FOXN2: variants seen among roughly 807,000 people sequenced by gnomAD.
The protein encoded by FOXN2 is forkhead box N2.
Under a neutral mutation model 41.2 loss-of-function variants are expected in FOXN2, and 19 were observed. The ratio of observed to expected loss-of-function variants is 0.46; its 90% CI spans 0.32 to 0.68. The LOEUF is 0.68. FOXN2 is among the 30% of genes least tolerant of loss of function. The pLI is 0.03. For missense variants in FOXN2, 587 were observed against 509.4 expected (o/e 1.15, Z -1.47); for synonymous variants, 195 against 176.8 (o/e 1.10, Z -0.82).
At chr2:48,358,824 A>C (rs7563625) in intron 3 of FOXN2, among the ~76,000 whole-genome samples, 31,248 of 152,176 alleles carry the variant, frequency 0.21, 3,430 homozygotes, top group South Asian at 0.26. Context: ...GAAGCTAATA[A>C]CATTTGAACC....
chr2:48,371,654 G>C (rs141456439), intron 5 of FOXN2, among the ~76,000 whole-genome samples: 34 of 152,190 alleles, frequency 2.2e-4, no homozygotes, highest in Admixed American at 7.9e-4. Context: ...GATATCATTG[G>C]TATTTTGATA....
At chr2:48,333,414 T>A (rs1670137426) in intron 2 of FOXN2, among the ~76,000 whole-genome samples, 2 of 152,132 alleles carry the variant, frequency 1.3e-5, no homozygotes, top group African/African-American at 4.8e-5. Flanking sequence ...CTATATACAT[T>A]TAGGTACTTC....
chr2:48,360,448 T>G lies in FOXN2; in HGVS notation c.638+1301T>G, dbSNP rs945115597. 2.6e-5 allele frequency among the ~76,000 whole-genome samples: 4 copies of G among 152,194 alleles called. No individual in the cohort carries two copies. In the East Asian group the frequency reaches 5.8e-4, roughly 22 times the overall value. On this transcript the variant is annotated intron_variant, in intron 4 of 6. Transcript: ENST00000340553. ...TCATATAGTGGTTAATTTGAATTCT[T>G]AAAGTATTGTTAGATAACTTGTAGA...
chr2:48,322,559 C>T (rs998511386), intron 1 of FOXN2, among the ~76,000 whole-genome samples: 12 of 151,978 alleles, frequency 7.9e-5, no homozygotes, highest in African/African-American at 2.9e-4. Flanking sequence ...TTTCATTAAG[C>T]TTGCTTTCTT....
intron 1 of FOXN2, among the ~76,000 whole-genome samples, chr2:48,324,838 A>C (rs1325707154): frequency 6.6e-6 from 1 of 152,220 alleles, no homozygotes; most frequent in East Asian, 1.9e-4. Flanking sequence ...AGGAAATGTA[A>C]ATGCAGTTGG....
intron 1 of FOXN2, among the ~76,000 whole-genome samples, chr2:48,315,680 C>T (rs952634340): frequency 1.3e-5 from 2 of 152,122 alleles, no homozygotes; most frequent in African/African-American, 4.8e-5. Flanking sequence ...GGAAAGCAGC[C>T]CATGTGCTCC....
chr2:48,343,067 C>T (rs553324650), intron 2 of FOXN2, among the ~76,000 whole-genome samples: 1 of 152,222 alleles, frequency 6.6e-6, no homozygotes, highest in East Asian at 1.9e-4. Context: ...ATAAAACTCA[C>T]TATTTCTGTT....
chr2:48,338,039 T>A (rs778314333), intron 2 of FOXN2, among the ~76,000 whole-genome samples: 2 of 152,184 alleles, frequency 1.3e-5, no homozygotes, highest in African/African-American at 2.4e-5. Flanking sequence ...AATGAATCAT[T>A]ATGAAAATTA....
At chr2:48,371,797 A>C (rs1262365458) in intron 5 of FOXN2, among the ~76,000 whole-genome samples, 1 of 152,002 alleles carries the variant, frequency 6.6e-6, no homozygotes, top group Non-Finnish European at 1.5e-5. Flanking sequence ...TTTTGTAGCT[A>C]TTGTGAATGA....
At chr2:48,331,922 G>A (rs1339503251) in intron 2 of FOXN2, among the ~76,000 whole-genome samples, 1 of 151,302 alleles carries the variant, frequency 6.6e-6, no homozygotes, top group Non-Finnish European at 1.5e-5. Flanking sequence ...TATTTTTAAT[G>A]TACTGTAGCT....
In FOXN2 at chr2:48,359,884, C is replaced by A. The variant is rs977222583; in HGVS notation, c.638+737C>A. On this transcript the variant is annotated intron_variant, in intron 4 of 6. Transcript: ENST00000340553. ...TAAAAATACATTTAAAATTTTTTAACAAGATTATTAAGTTTGTCATTATAA... is the reference window on the plus strand; with the variant it reads ...TAAAAATACATTTAAAATTTTTTAAAAAGATTATTAAGTTTGTCATTATAA... Among the ~76,000 whole-genome samples the A allele has an allele frequency of 8.1e-4, 123 of 152,136 alleles. 1 individual carries two copies. The highest frequency in any genetic ancestry group is 5.9e-5 in the Non-Finnish European group (4 of 67,972).
In FOXN2 at chr2:48,378,983, T is replaced by C. The variant is rs552388542; in HGVS notation, c.*3540T>C. On this transcript the variant is annotated 3_prime_UTR_variant, in exon 7 of 7. Coordinates refer to ENST00000340553, the MANE Select transcript of FOXN2 (RefSeq NM_002158.4). ...TATAATTGCCAATTGATTGTAACTA[T>C]TATTTATTTTTAAATGAAAGTGTAA... 2.0e-5 allele frequency: 3 copies of C among 152,762 alleles called. No homozygotes were observed. Among genetic ancestry groups the C allele is most frequent in the South Asian group, 2.1e-4 (1 of 4,830 alleles). 9.5% of individuals were successfully genotyped at this position (152,762 alleles called of 1,614,324 possible).
rs142997419 is a variant in FOXN2, at chr2:48,333,923, A to G, written c.-15+5221A>G. Among the ~76,000 whole-genome samples, 3 of 152,242 alleles carry G rather than the reference A, an allele frequency of 2.0e-5. No individual in the cohort carries two copies. In the East Asian group the frequency reaches 5.8e-4, roughly 29 times the overall value. ...TGTGTGTGTATGTCACCTTTCTGAA[A>G]TCCAAAATATTCTGAATTTTGAAAT... On this transcript the variant is annotated intron_variant, in intron 2 of 6. Transcript: ENST00000340553.
chr2:48,337,520 G>A (rs1670447133), intron 2 of FOXN2, among the ~76,000 whole-genome samples: 1 of 151,794 alleles, frequency 6.6e-6, no homozygotes, highest in African/African-American at 2.4e-5. Flanking sequence ...TGGCCAGGCT[G>A]GTTTTGAACT....
At position 48,346,310 on chromosome 2, in the gene FOXN2, C is replaced by G. The variant is rs957547600; in HGVS notation, c.96C>G (p.Ser32Arg). 1 of 1,614,194 alleles carries G rather than the reference C, an allele frequency of 6.2e-7. No homozygotes were observed. Among genetic ancestry groups the G allele is most frequent in the African/African-American group, 1.3e-5 (1 of 75,062 alleles). Reference protein sequence around the residue: ...AGLSQIYKMGSLPEAVDAARP... With the variant: ...AGLSQIYKMGRLPEAVDAARP... ...TAAGCCAGATTTACAAAATGGGAAG[C>G]TTGCCTGAAGCTGTTGATGCTGCCA... Residue 32 changes from serine to arginine, a missense_variant, in exon 3 of 7, where the codon AGC becomes AGG. Coordinates refer to ENST00000340553, the MANE Select transcript of FOXN2 (RefSeq NM_002158.4).
At chr2:48,330,792 A>G (rs1486878055) in intron 2 of FOXN2, among the ~76,000 whole-genome samples, 1 of 152,204 alleles carries the variant, frequency 6.6e-6, no homozygotes, top group Non-Finnish European at 1.5e-5. Context: ...CTATTCTTAC[A>G]TGCTTCAGGA....
chr2:48,353,223 GT>G (rs1671565326), intron 3 of FOXN2, among the ~76,000 whole-genome samples: 1 of 152,020 alleles, frequency 6.6e-6, no homozygotes, highest in South Asian at 2.1e-4. Context: ...TGTCTTTGCA[GT>G]TTTTTTTCTT....
At chr2:48,323,193 A>C (rs947072901) in intron 1 of FOXN2, among the ~76,000 whole-genome samples, 1 of 151,876 alleles carries the variant, frequency 6.6e-6, no homozygotes, top group Non-Finnish European at 1.5e-5. Flanking sequence ...TATATTTTTG[A>C]GGGTACATGT....
At chr2:48,342,611 A>G (rs964243123) in intron 2 of FOXN2, among the ~76,000 whole-genome samples, 1 of 152,034 alleles carries the variant, frequency 6.6e-6, no homozygotes, top group Non-Finnish European at 1.5e-5. Context: ...TGCTATTTGT[A>G]TTTAATATGT....
Sources: gnomAD v4.1 joint callset for allele counts (sites outside exome capture counted in the v4.1 genomes callset) on GRCh38, gnomAD v4.1.1 for gene constraint, MANE v1.5 for transcripts, NCBI Gene and HGNC (gene_info 2026-07-23, HGNC 2026-07-21) for gene names.